Variants in BCOR observed in about 807,000 individuals in gnomAD.
The protein encoded by BCOR is BCL-6 corepressor.
Under a neutral mutation model 86.7 loss-of-function variants are expected in BCOR, and 10 were observed. The observed-to-expected ratio is 0.12, with a 90% CI of 0.07 to 0.20. BCOR has a LOEUF of 0.20. Among genes scored for constraint, BCOR ranks in the 10% least tolerant of loss-of-function variants. The pLI is 1.00. For synonymous variants in BCOR, 611 were observed against 609.0 expected, an observed-to-expected ratio of 1.00 and a Z score of -0.05; for missense variants, 1,259 against 1,452.1, an observed-to-expected ratio of 0.87 and a Z score of 2.16.
At chrX:40,173,228 A>G (rs779090062) in intron 1 of BCOR, among the ~76,000 whole-genome samples, 114 of 111,593 alleles carry the variant, frequency 1.0e-3, no homozygotes, top group Non-Finnish European at 1.9e-3. Flanking sequence ...CCTCTGGTCA[A>G]TCCAGGCCCT....
intron 1 of BCOR, among the ~76,000 whole-genome samples, chrX:40,118,262 TTTTA>T (rs1569184729): frequency 9.1e-6 from 1 of 109,654 alleles, no homozygotes; most frequent in Non-Finnish European, 1.9e-5. Flanking sequence ...CTTTTATTTA[TTTTA>T]TTTATTTTTT....
At chrX:40,069,267 CTCT>C (rs1460771333) in intron 6 of BCOR, among the ~76,000 whole-genome samples, 3 of 112,235 alleles carry the variant, frequency 2.7e-5, no homozygotes, top group Non-Finnish European at 3.8e-5. Context: ...CTTCCCCCAA[CTCT>C]TCTTCTGCTC....
chrX:40,176,737 G>T (rs1318460577), intron 1 of BCOR, among the ~76,000 whole-genome samples: 1 of 111,533 alleles, frequency 9.0e-6, no homozygotes, highest in Non-Finnish European at 1.9e-5. Flanking sequence ...GAGTCAGCCG[G>T]TTCCACCTTC....
rs2147231484 is a variant in BCOR, at chrX:40,073,482, G to T, written c.1864C>A (p.Pro622Thr). 1.6e-6 allele frequency: 2 copies of T among 1,212,455 alleles called. No homozygotes were observed. Among genetic ancestry groups the T allele is most frequent in the Non-Finnish European group, 2.2e-6 (2 of 895,698 alleles). Reference protein sequence around the residue: ...TSSKGAKASNPEPSFKANENG... With the variant: ...TSSKGAKASNTEPSFKANENG... The stretch of plus-strand genomic sequence containing the variant: ...TCGTTTGCTTTGAAACTCGGTTCTG[G>T]GTTGCTGGCTTTGGCGCCCTTGCTG... Residue 622 changes from proline to threonine, a missense_variant, in exon 4 of 15, where the codon CCA becomes ACA. Transcript: ENST00000378444.
chrX:40,173,406 CGT>C (rs1230148178), intron 1 of BCOR, among the ~76,000 whole-genome samples: 2 of 112,209 alleles, frequency 1.8e-5, no homozygotes, highest in South Asian at 3.7e-4. Context: ...TACAATGCTA[CGT>C]GTGTTTGTTA....
chrX:40,110,666 TC>T (rs1937289659), intron 1 of BCOR, among the ~76,000 whole-genome samples: 3 of 90,704 alleles, frequency 3.3e-5, no homozygotes, highest in East Asian at 3.9e-4. Context: ...TTTTCCTTTT[TC>T]TTTTTTTTTT....
chrX:40,081,774 G>T (rs1029786046), intron 1 of BCOR, among the ~76,000 whole-genome samples: 2 of 112,458 alleles, frequency 1.8e-5, no homozygotes, highest in African/African-American at 6.5e-5. Context: ...AGTGGGTAAA[G>T]GTGCTGGATA....
chrX:40,137,657 T>C (rs1489547670), intron 1 of BCOR, among the ~76,000 whole-genome samples: 1 of 112,403 alleles, frequency 8.9e-6, no homozygotes, highest in Non-Finnish European at 1.9e-5. Context: ...ACATCTACCA[T>C]TCTACACTTC....
At chrX:40,057,358 T>C in intron 10 of BCOR, 37 bp from the exon 11 acceptor site, 1 of 1,177,088 alleles carries the variant, frequency 8.5e-7, no homozygotes. Context: ...ATCAGATCAC[T>C]GCACAATGAC....
At chrX:40,138,702 C>A (rs979832850) in intron 1 of BCOR, among the ~76,000 whole-genome samples, 2 of 110,013 alleles carry the variant, frequency 1.8e-5, no homozygotes, top group Non-Finnish European at 3.8e-5. Context: ...TTACAGGCAC[C>A]CACCACCACG....
At chrX:40,159,342 T>G (rs916116678) in intron 1 of BCOR, among the ~76,000 whole-genome samples, 2 of 112,515 alleles carry the variant, frequency 1.8e-5, no homozygotes, top group Middle Eastern at 4.6e-3. Flanking sequence ...AAAAGTGTTT[T>G]TTTTGTTTGT....
At chrX:40,170,509 G>A (rs1938598513) in intron 1 of BCOR, among the ~76,000 whole-genome samples, 2 of 110,479 alleles carry the variant, frequency 1.8e-5, no homozygotes, top group Admixed American at 9.6e-5. Flanking sequence ...CACCTTGCCC[G>A]GCTAATTTTT....
chrX:40,149,253 A>C (rs1480816867), intron 1 of BCOR, among the ~76,000 whole-genome samples: 3 of 111,058 alleles, frequency 2.7e-5, no homozygotes, highest in African/African-American at 9.9e-5. Flanking sequence ...CCGGGCAATA[A>C]AACAACTATT....
chrX:40,077,714 G>A (rs1053994633), intron 2 of BCOR, 130 bp downstream of exon 2: 1 of 560,502 alleles, frequency 1.8e-6, no homozygotes, highest in Non-Finnish European at 3.0e-6. Context: ...TGTAAATCAA[G>A]AGCGGCCTAC....
At chrX:40,139,403 A>ATATATG (rs1937777617) in intron 1 of BCOR, among the ~76,000 whole-genome samples, 2 of 18,027 alleles carry the variant, frequency 1.1e-4, no homozygotes, top group Non-Finnish European at 1.5e-4. Context: ...ACATATATAT[A>ATATATG]TATATATATA....
At chrX:40,090,504 TCCC>T (rs1334613568) in intron 1 of BCOR, among the ~76,000 whole-genome samples, 1 of 111,634 alleles carries the variant, frequency 9.0e-6, no homozygotes, top group East Asian at 2.8e-4. Flanking sequence ...GGGAGGCGAT[TCCC>T]CCCAAGTCCC....
Position 40,073,989 on chromosome X carries a change from A to C in BCOR, c.1357T>G (p.Ser453Ala). 1 of 1,212,032 alleles carries C rather than the reference A, an allele frequency of 8.3e-7. No homozygotes were observed. The highest frequency in any genetic ancestry group is 1.1e-6 in the Non-Finnish European group (1 of 895,559). Residue 453 changes from serine to alanine, a missense_variant, in exon 4 of 15, where the codon TCC (serine) becomes GCC (alanine). This residue lies in a region of BCOR where 534 missense variants were observed against 594.8 expected (regional missense o/e 0.90). Transcript: ENST00000378444. ...ATCTTTTTCATGTGGTCAGCTTTGG[A>C]AGCATCTACATCCACCACTTTAGAA... ...LSSKVVDVDA[S>A]KADHMKKMAP...
chrX:40,098,035 T>TCCTCCCTCCCGCCCGCCCTC (rs1936981082), upstream of BCOR, among the ~76,000 whole-genome samples: 1 of 41,953 alleles, frequency 2.4e-5, no homozygotes, highest in South Asian at 2.1e-3. Context: ...CCTCCGCCCG[T>TCCTCCCTCCCGCCCGCCCTC]CCTCCCTCCC....
intron 10 of BCOR, 92 bp downstream of exon 10, chrX:40,062,047 G>C: frequency 5.5e-6 from 6 of 1,090,787 alleles, no homozygotes; most frequent in Non-Finnish European, 7.4e-6. Flanking sequence ...AGGGGGCTGA[G>C]CTCTGCTCTC....
Sources: gnomAD v4.1 joint callset for allele counts (sites outside exome capture counted in the v4.1 genomes callset) on GRCh38, gnomAD v4.1.1 for gene constraint, gnomAD v4.1.1 regional missense constraint, MANE v1.5 for transcripts, NCBI Gene and HGNC (gene_info 2026-07-23, HGNC 2026-07-21) for gene names.